SLC71A1: variants seen among roughly 807,000 people sequenced by gnomAD.
The protein encoded by SLC71A1 is solute carrier family 71 member 1, also known as hippocampus abundant gene transcript 1.
At chr1:100,063,907 T>C in the SLC71A1 span, among the ~76,000 whole-genome samples, 1 of 152,144 alleles carries the variant, frequency 6.6e-6, no homozygotes, top group Admixed American at 6.5e-5. Context: ...ATGAAACAAC[T>C]GTACTGACTT....
chr1:100,052,649 C>T, the SLC71A1 span, among the ~76,000 whole-genome samples: 1 of 151,824 alleles, frequency 6.6e-6, no homozygotes, highest in African/African-American at 2.4e-5. Context: ...CCAGAATGGT[C>T]TCGATCTCTT....
the SLC71A1 span, chr1:100,078,587 C>CAGGATT: frequency 1.5e-6 from 2 of 1,367,598 alleles, no homozygotes; most frequent in Non-Finnish European, 2.1e-6. Flanking sequence ...TTTAAAAGTA[C>CAGGATT]AGAATGTTCT....
At chr1:100,052,716 C>T in the SLC71A1 span, among the ~76,000 whole-genome samples, 1 of 151,998 alleles carries the variant, frequency 6.6e-6, no homozygotes, top group Non-Finnish European at 1.5e-5. Flanking sequence ...AGGTGTGAGC[C>T]ACTGTGCCTG....
At chr1:100,069,827 G>T in the SLC71A1 span, 1 of 643,866 alleles carries the variant, frequency 1.6e-6, no homozygotes, top group South Asian at 1.9e-5. Context: ...CAATTTGTTT[G>T]TGTAGCTAGT....
At chr1:100,074,480 G>A in the SLC71A1 span, among the ~76,000 whole-genome samples, 312 of 152,174 alleles carry the variant, frequency 2.1e-3, no homozygotes, top group African/African-American at 6.7e-3. Flanking sequence ...TCGGGAGGCT[G>A]AGGCAGGAGA....
the SLC71A1 span, among the ~76,000 whole-genome samples, chr1:100,070,934 G>A: frequency 2.0e-5 from 3 of 152,090 alleles, no homozygotes; most frequent in Non-Finnish European, 2.9e-5. Context: ...GTTTTGGTGA[G>A]TTTAGCAACA....
At chr1:100,076,478 G>C in the SLC71A1 span, among the ~76,000 whole-genome samples, 1 of 152,118 alleles carries the variant, frequency 6.6e-6, no homozygotes, top group Non-Finnish European at 1.5e-5. Flanking sequence ...TTATTGCCAG[G>C]CACAATTCTA....
At chr1:100,081,258 G>A in the SLC71A1 span, among the ~76,000 whole-genome samples, 1 of 152,138 alleles carries the variant, frequency 6.6e-6, no homozygotes, top group Non-Finnish European at 1.5e-5. Context: ...CTTTTTCTTG[G>A]TAACCTGTGT....
chr1:100,083,210 A>C, the SLC71A1 span: 2 of 152,474 alleles, frequency 1.3e-5, no homozygotes, highest in Non-Finnish European at 2.9e-5. Context: ...ACTTTGTAAA[A>C]ATTGTATATA....
chr1:100,080,603 C>G, the SLC71A1 span: 27 of 1,613,888 alleles, frequency 1.7e-5, no homozygotes, highest in Non-Finnish European at 2.3e-5. Context: ...TAAAGAACTG[C>G]CAATAACAGG....
At chr1:100,068,105 C>A in the SLC71A1 span, 4 of 1,614,154 alleles carry the variant, frequency 2.5e-6, no homozygotes, top group East Asian at 8.9e-5. Flanking sequence ...TTTGTTTTAT[C>A]CTTGTTGCTG....
chr1:100,081,599 C>CG, the SLC71A1 span, among the ~76,000 whole-genome samples: 2 of 152,168 alleles, frequency 1.3e-5, no homozygotes, highest in Non-Finnish European at 2.9e-5. Flanking sequence ...TGGTCTCGAA[C>CG]TCCTGACCTC....
At chr1:100,082,082 C>T in the SLC71A1 span, 8 of 1,613,980 alleles carry the variant, frequency 5.0e-6, no homozygotes, top group Admixed American at 1.7e-5. Flanking sequence ...TTGTTTATTC[C>T]GGAACATACC....
chr1:100,047,923 A>G, the SLC71A1 span, among the ~76,000 whole-genome samples: 1 of 152,218 alleles, frequency 6.6e-6, no homozygotes, highest in East Asian at 1.9e-4. Context: ...AAAGATATGG[A>G]AAATTCAGAA....
the SLC71A1 span, among the ~76,000 whole-genome samples, chr1:100,064,583 A>G: frequency 6.6e-6 from 1 of 152,232 alleles, no homozygotes; most frequent in South Asian, 2.1e-4. Flanking sequence ...TTCTGTCACC[A>G]TGGTTTTGCC....
At chr1:100,049,511 C>G in the SLC71A1 span, among the ~76,000 whole-genome samples, 1 of 152,136 alleles carries the variant, frequency 6.6e-6, no homozygotes, top group Non-Finnish European at 1.5e-5. Context: ...AGCCCATGCA[C>G]TGGTTGTACT....
At chr1:100,068,126 G>A in the SLC71A1 span, 24 of 1,614,058 alleles carry the variant, frequency 1.5e-5, no homozygotes, top group African/African-American at 1.3e-4. Flanking sequence ...TGCCAGAGTC[G>A]TTGCCTGAGA....
the SLC71A1 span, among the ~76,000 whole-genome samples, chr1:100,040,707 A>G: frequency 3.6e-4 from 54 of 151,942 alleles, no homozygotes; most frequent in African/African-American, 1.3e-3. Context: ...TGATTCACCC[A>G]CCTTGGCCTC....
At chr1:100,043,053 A>G in the SLC71A1 span, 29 of 982,776 alleles carry the variant, frequency 3.0e-5, no homozygotes, top group Middle Eastern at 5.2e-4. Context: ...GGATAAATTA[A>G]TATGCAGTTT....
Sources: allele counts gnomAD v4.1 joint callset (sites outside exome capture counted in the v4.1 genomes callset), GRCh38; gene constraint gnomAD v4.1.1; transcripts MANE v1.5; gene names NCBI Gene and HGNC (gene_info 2026-07-23, HGNC 2026-07-21).